The following PLEC variants were observed in gnomAD, a reference collection of about 807,000 sequenced individuals.
The protein encoded by PLEC is hemidesmosomal protein 1.
A neutral mutation model predicts 392.8 loss-of-function variants in PLEC; 216 were observed. That is an observed-to-expected ratio of 0.55 (90% CI 0.49 to 0.62). PLEC has a LOEUF of 0.62. Ranked by LOEUF, PLEC falls within the 20% of genes least tolerant of loss-of-function variation. The probability of loss-of-function intolerance (pLI) is 0.00; values close to 1 mark genes in which losing one functional copy is unlikely to be tolerated. For missense variants in PLEC, 6,863 were observed against 6,563.4 expected (o/e 1.05, Z -1.58); for synonymous variants, 3,621 against 2,980.6 (o/e 1.21, Z -7.00).
In PLEC at chr8:143,932,478, A is replaced by G. The variant is rs1424641900; in HGVS notation, c.1899T>C (p.Asn633=). Residue 633 remains asparagine (N), a synonymous_variant, in exon 16 of 32, where the codon AAT becomes AAC. Coordinates refer to ENST00000345136, the MANE Select transcript of PLEC (RefSeq NM_201384.3). ...AGCCCACCTCCTCCTCCTCCTTCTC[A>G]TTCAGCCACATTAGCTCCTTAGTGG... The part of the protein sequence containing the change: ...AAATKELMWL[N]EKEEEEVGFD... 2.5e-6 allele frequency: 4 copies of G among 1,612,434 alleles called. No individual in the cohort carries two copies. The highest frequency in any genetic ancestry group is 1.6e-4 in the Middle Eastern group (1 of 6,084).
At chr8:143,933,531 A>C (rs1828032317) in intron 12 of PLEC, among the ~76,000 whole-genome samples, 180 bp from the exon 13 acceptor site, 1 of 151,858 alleles carries the variant, frequency 6.6e-6, no homozygotes, top group Non-Finnish European at 1.5e-5. Context: ...CTTCTGGGGG[A>C]TTGGGACCAA....
Position 143,973,390 on chromosome 8 carries a change from C to T in PLEC, c.70+13G>A, listed in dbSNP as rs150173783. 2.2e-5 allele frequency: 35 copies of T among 1,559,540 alleles called. No individual in the cohort carries two copies. The Middle Eastern group carries it at 5.1e-4, about 23-fold the overall frequency. ...AGGAGCGGCCCGACAGGCAGCGGGA[C>T]GGGGGGCCGTACCTTTGTACTTCTC... On this transcript the variant is annotated intron_variant, in intron 1 of 31. Transcript: ENST00000356346. This position sits in a 1 kb window ranked among gnomAD's most constrained non-coding sequence, Gnocchi z 5.6.
At chr8:143,955,046 C>T (rs1554738817), upstream of PLEC, among the ~76,000 whole-genome samples, 1 of 152,230 alleles carries the variant, frequency 6.6e-6, no homozygotes, top group Non-Finnish European at 1.5e-5. Context: ...CCACCTCCAC[C>T]GTAGACCCAG....
Position 143,932,882 on chromosome 8 carries a change from T to G in PLEC, c.1648A>C (p.Ser550Arg). The G allele has an allele frequency of 1.2e-6, 2 of 1,612,458 alleles. No homozygotes were observed. Among genetic ancestry groups the G allele is most frequent in the Non-Finnish European group, 8.5e-7 (1 of 1,179,864 alleles). Residue 550 changes from serine to arginine, a missense_variant, in exon 14 of 32, where the codon AGC becomes CGC. By Grantham distance (110) the Ser-to-Arg change is moderately radical. Coordinates refer to ENST00000345136, the MANE Select transcript of PLEC (RefSeq NM_201384.3). ...TGGCTGCCCAGCTGCGCCTCCACGCTGGGCAGGTCCACACCCCACTCAGCG... is the reference window on the plus strand; with the variant it reads ...TGGCTGCCCAGCTGCGCCTCCACGCGGGGCAGGTCCACACCCCACTCAGCG... ...DGAEWGVDLPSVEAQLGSHRG... is the reference protein window; with the variant it reads ...DGAEWGVDLPRVEAQLGSHRG...
In PLEC at chr8:143,969,701, T is replaced by C. The variant is rs1833316417; in HGVS notation, c.70+3702A>G. Among the ~76,000 whole-genome samples the C allele has an allele frequency of 1.3e-5, 2 of 151,812 alleles. No individual in the cohort carries two copies. Among genetic ancestry groups the C allele is most frequent in the South Asian group, 4.2e-4 (2 of 4,814 alleles). ...GGGGCCTGTCCTGGGGGTCAGGGCA[T>C]GAGTGCAGGCCGGGGAGTGGGGAGT... On this transcript the variant is annotated intron_variant, in intron 1 of 31. Coordinates refer to the PLEC transcript ENST00000356346. This position sits in a 1 kb window ranked among gnomAD's most constrained non-coding sequence, Gnocchi z 5.1.
At chr8:143,946,413 TGCTCCGAGAGCCGGCA>T (rs1831482662) in intron 1 of PLEC, 2 of 1,286,876 alleles carry the variant, frequency 1.6e-6, no homozygotes, top group Non-Finnish European at 2.0e-6. Flanking sequence ...CAGGCCAGGC[TGCTCCGAGAGCCGGCA>T]GGGAGGAAGG....
At position 143,916,645 on chromosome 8, in the gene PLEC, G is replaced by A; in HGVS notation, c.13176C>T (p.Tyr4392=). The change falls in exon 32 of 32, where the codon TAC becomes TAT. Residue 4392 remains tyrosine (Y), a synonymous_variant. Transcript: ENST00000345136. ...CGGGCTCGATCAAGCCGCCGGTCAG[G>A]TACTGCACCTCCAGGAAGCGCTGGC... ...EAGQRFLEVQ[Y]LTGGLIEPDT... is the part of the protein sequence containing the mutation. The A allele has an allele frequency of 6.2e-7, 1 of 1,610,998 alleles. No homozygotes were observed. Among genetic ancestry groups the A allele is most frequent in the Non-Finnish European group, 8.5e-7 (1 of 1,179,232 alleles).
upstream of PLEC, among the ~76,000 whole-genome samples, chr8:143,952,208 A>ACG (rs113868176): frequency 2.4e-4 from 31 of 130,962 alleles, no homozygotes; most frequent in East Asian, 1.3e-3. Flanking sequence ...ACACACACAC[A>ACG]CGCGCGCACA....
Position 143,927,851 on chromosome 8 carries a change from T to C in PLEC, c.3399+3A>G, listed in dbSNP as rs1554708761. 2 of 1,591,328 alleles carry C rather than the reference T, an allele frequency of 1.3e-6. No homozygotes were observed. The highest frequency in any genetic ancestry group is 1.1e-5 in the South Asian group (1 of 88,318). Reference sequence around the variant, plus strand: ...CCATGAAGCCCAAGCCTCGAAACGATACCTTCAGAGAGGCCTTGGTGGCCT... The same window carrying C: ...CCATGAAGCCCAAGCCTCGAAACGACACCTTCAGAGAGGCCTTGGTGGCCT... On this transcript the variant is annotated splice_donor_region_variant and intron_variant, in intron 26 of 31. Transcript: ENST00000345136.
At chr8:143,943,770 G>C (rs782022301), upstream of PLEC, 1 of 1,610,214 alleles carries the variant, frequency 6.2e-7, no homozygotes, top group South Asian at 1.1e-5. Context: ...AGCCACCAGC[G>C]GGGCTTACCT....
intron 6 of PLEC, among the ~76,000 whole-genome samples, 184 bp downstream of exon 6, chr8:143,935,664 G>A (rs546467829): frequency 1.3e-5 from 2 of 152,188 alleles, no homozygotes; most frequent in African/African-American, 4.8e-5. Flanking sequence ...AGATCAAGTG[G>A]TGGTGCTTCT....
chr8:143,941,611 C>A (rs1340913186), upstream of PLEC, among the ~76,000 whole-genome samples: 1 of 152,100 alleles, frequency 6.6e-6, no homozygotes, highest in Non-Finnish European at 1.5e-5. Flanking sequence ...TCCCTACTTC[C>A]TGCCTCTGGG....
chr8:143,930,029 C>T lies in PLEC; in HGVS notation c.2646G>A (p.Leu882=). ...TCATGTCCACGTGCAACTGGTGCCA[C>T]AGCGTGACCAGGGCCTGGTGCTGGG... is the stretch of plus-strand genomic sequence containing the variant. ...LEAQHQALVT[L]WHQLHVDMKS... Residue 882 remains leucine, a synonymous_variant, in exon 22 of 32, where the codon CTG becomes CTA. Coordinates refer to ENST00000345136, the MANE Select transcript of PLEC (RefSeq NM_201384.3). The T allele has an allele frequency of 1.2e-6, 2 of 1,612,118 alleles. No homozygotes were observed. The highest frequency in any genetic ancestry group is 1.7e-6 in the Non-Finnish European group (2 of 1,179,798).
rs781798066 is a variant in PLEC at position 143,923,154 on chromosome 8, T to C, written c.6775A>G (p.Lys2259Glu). The change falls in exon 31 of 32, where the codon AAG becomes GAG. Residue 2259 changes from lysine (K) to glutamate (E), a missense_variant. By Grantham distance (56) the Lys-to-Glu change is moderately conservative (BLOSUM62 1). Coordinates refer to ENST00000345136, the MANE Select transcript of PLEC (RefSeq NM_201384.3). ...AENRALILRDKDNTQRFLQEE... is the reference protein window; with the variant it reads ...AENRALILRDEDNTQRFLQEE... ...TGCAGGAAGCGCTGCGTATTGTCCTTGTCACGCAAGATGAGTGCGCGGTTC... is the reference window on the plus strand; with the variant it reads ...TGCAGGAAGCGCTGCGTATTGTCCTCGTCACGCAAGATGAGTGCGCGGTTC... The C allele has an allele frequency of 5.6e-6, 9 of 1,602,866 alleles. No homozygotes were observed. The highest frequency in any genetic ancestry group is 6.8e-6 in the Non-Finnish European group (8 of 1,179,868).
chr8:143,934,230 G>C, intron 11 of PLEC, 88 bp downstream of exon 11: 3 of 1,599,834 alleles, frequency 1.9e-6, no homozygotes, highest in Non-Finnish European at 2.6e-6. Context: ...GGGTTCCCCC[G>C]CCGGGGGCGG....
upstream of PLEC, among the ~76,000 whole-genome samples, chr8:143,957,063 C>T (rs929169803): frequency 6.6e-6 from 1 of 152,088 alleles, no homozygotes; most frequent in Non-Finnish European, 1.5e-5. Flanking sequence ...TGGCTGCAGC[C>T]GGGAGGGGGG....
intron 1 of PLEC, among the ~76,000 whole-genome samples, chr8:143,965,647 T>C (rs1032101083): frequency 6.6e-6 from 1 of 152,150 alleles, no homozygotes; most frequent in Non-Finnish European, 1.5e-5. Flanking sequence ...CCCTGGCCCC[T>C]CTGCTGCCAG....
chr8:143,918,056 G>A lies in PLEC; in HGVS notation c.11765C>T (p.Thr3922Ile). The change falls in exon 32 of 32, where the codon ACC becomes ATC. Residue 3922 changes from threonine to isoleucine, a missense_variant. Thr to Ile is a moderately conservative substitution (Grantham distance 89). Coordinates refer to ENST00000345136, the MANE Select transcript of PLEC (RefSeq NM_201384.3). ...REGLTSIEEV[T>I]KNLQKFLEGT... ...TTCCAGGAACTTCTGCAAGTTCTTG[G>A]TGACCTCCTCGATGGAGGTCAGGCC... 6.2e-7 allele frequency: 1 copy of A among 1,604,958 alleles called. No homozygotes were observed. The highest frequency in any genetic ancestry group is 8.5e-7 in the Non-Finnish European group (1 of 1,177,282).
At chr8:143,946,237 G>T in intron 1 of PLEC, 1 of 735,868 alleles carries the variant, frequency 1.4e-6, no homozygotes, top group East Asian at 6.9e-5. Context: ...GCCTATCCCT[G>T]CATCCCAGGT....
Sources: gnomAD v4.1 joint callset for allele counts (sites outside exome capture counted in the v4.1 genomes callset) on GRCh38, gnomAD v4.1.1 for gene constraint, Gnocchi (gnomAD v3.1) non-coding constraint, MANE v1.5 for transcripts, NCBI Gene and HGNC (gene_info 2026-07-23, HGNC 2026-07-21) for gene names.